Variants in AFG2A observed in about 807,000 individuals in gnomAD.
AFG2A encodes the protein ATPase family gene 2 protein homolog A.
At chr4:123,132,445 G>A in the AFG2A span, among the ~76,000 whole-genome samples, 2 of 151,542 alleles carry the variant, frequency 1.3e-5, no homozygotes, top group Non-Finnish European at 2.9e-5. Context: ...CCATGTTGTC[G>A]CAAATGGCAA....
the AFG2A span, among the ~76,000 whole-genome samples, chr4:123,049,030 A>G: frequency 0.012 from 1,830 of 152,198 alleles, 42 homozygotes; most frequent in African/African-American, 0.041. Flanking sequence ...AGATTGAAGT[A>G]TGTTCCTTCA....
the AFG2A span, among the ~76,000 whole-genome samples, chr4:123,310,468 G>A: frequency 3.3e-5 from 5 of 152,114 alleles, no homozygotes; most frequent in African/African-American, 7.2e-5. Context: ...CTGTATGCAT[G>A]TCTCAGTTCT....
the AFG2A span, among the ~76,000 whole-genome samples, chr4:123,080,144 C>T: frequency 2.0e-5 from 3 of 152,122 alleles, no homozygotes; most frequent in Non-Finnish European, 4.4e-5. Context: ...GCCCTAACCC[C>T]GAATGTGATG....
the AFG2A span, among the ~76,000 whole-genome samples, chr4:123,257,299 A>C: frequency 6.6e-6 from 1 of 152,240 alleles, no homozygotes; most frequent in Non-Finnish European, 1.5e-5. Context: ...GGGCTTTACA[A>C]TGGTGCAAAA....
the AFG2A span, among the ~76,000 whole-genome samples, chr4:123,255,275 C>T: frequency 1.3e-5 from 2 of 152,088 alleles, no homozygotes; most frequent in Non-Finnish European, 2.9e-5. Context: ...AATCCCAGCA[C>T]TCTGGGAGAC....
the AFG2A span, among the ~76,000 whole-genome samples, chr4:122,950,588 C>T: frequency 6.6e-6 from 1 of 152,220 alleles, no homozygotes; most frequent in Non-Finnish European, 1.5e-5. Flanking sequence ...GATCCACCCG[C>T]CTCAGCCTCC....
At chr4:123,249,428 T>C in the AFG2A span, among the ~76,000 whole-genome samples, 1 of 152,150 alleles carries the variant, frequency 6.6e-6, no homozygotes, top group Non-Finnish European at 1.5e-5. Context: ...GGGTGAGAAA[T>C]GCTATACTTG....
chr4:122,977,681 C>G, the AFG2A span, among the ~76,000 whole-genome samples: 17 of 152,230 alleles, frequency 1.1e-4, no homozygotes, highest in African/African-American at 4.1e-4. Flanking sequence ...TCTTTCAGTC[C>G]TGCCATTTGG....
the AFG2A span, among the ~76,000 whole-genome samples, chr4:123,073,360 A>G: frequency 2.6e-5 from 4 of 152,082 alleles, no homozygotes. Flanking sequence ...TTTTTAAAAT[A>G]ATTTTATTCT....
At chr4:123,054,871 G>A in the AFG2A span, among the ~76,000 whole-genome samples, 1 of 151,844 alleles carries the variant, frequency 6.6e-6, no homozygotes, top group Non-Finnish European at 1.5e-5. Flanking sequence ...CCTTAAACTT[G>A]TTCCTCATTA....
At chr4:122,936,872 C>T in the AFG2A span, among the ~76,000 whole-genome samples, 11 of 152,064 alleles carry the variant, frequency 7.2e-5, no homozygotes, top group Middle Eastern at 3.2e-3. Context: ...CCCAGCTACT[C>T]GGGAGGCTGA....
the AFG2A span, among the ~76,000 whole-genome samples, chr4:123,043,559 G>A: frequency 1.3e-5 from 2 of 152,162 alleles, no homozygotes; most frequent in Non-Finnish European, 2.9e-5. Context: ...ACTTTTGTAA[G>A]TGATGATACC....
chr4:123,187,749 A>G, the AFG2A span, among the ~76,000 whole-genome samples: 2 of 152,110 alleles, frequency 1.3e-5, no homozygotes, highest in African/African-American at 4.8e-5. Context: ...TAATCCCTGC[A>G]CTTTGGGAGG....
chr4:123,255,988 A>C, the AFG2A span: 1 of 1,612,924 alleles, frequency 6.2e-7, no homozygotes, highest in Non-Finnish European at 8.5e-7. Flanking sequence ...GAGCCCAGTT[A>C]ATTCATGTTG....
At chr4:123,122,550 A>T in the AFG2A span, among the ~76,000 whole-genome samples, 6 of 152,210 alleles carry the variant, frequency 3.9e-5, no homozygotes, top group Non-Finnish European at 8.8e-5. Flanking sequence ...TCACTTTCAC[A>T]CTATCATAAA....
chr4:123,003,778 C>T, the AFG2A span, among the ~76,000 whole-genome samples: 1 of 152,100 alleles, frequency 6.6e-6, no homozygotes. Context: ...CTTGAGGAGG[C>T]AGTCTGCCTG....
the AFG2A span, among the ~76,000 whole-genome samples, chr4:123,116,009 C>T: frequency 2.0e-5 from 3 of 152,050 alleles, no homozygotes; most frequent in Admixed American, 6.6e-5. Flanking sequence ...AGGTGATCCT[C>T]CTGCCTTAGC....
chr4:123,204,735 ACATT>A, the AFG2A span, among the ~76,000 whole-genome samples: 1 of 152,208 alleles, frequency 6.6e-6, no homozygotes, highest in Non-Finnish European at 1.5e-5. Flanking sequence ...TTTAAAGAAA[ACATT>A]CATATGAGAC....
the AFG2A span, among the ~76,000 whole-genome samples, chr4:123,179,761 A>T: frequency 1.3e-5 from 2 of 152,244 alleles, no homozygotes; most frequent in Non-Finnish European, 2.9e-5. Flanking sequence ...CATAATAAAT[A>T]TCATCCCTTT....
Sources: allele counts gnomAD v4.1 joint callset (sites outside exome capture counted in the v4.1 genomes callset), GRCh38; gene constraint gnomAD v4.1.1; transcripts MANE v1.5; gene names NCBI Gene and HGNC (gene_info 2026-07-23, HGNC 2026-07-21).